ANKS1A: variants seen among roughly 807,000 people sequenced by gnomAD.
The protein encoded by ANKS1A is ankyrin repeat and SAM domain-containing protein 1A.
A neutral mutation model predicts 120.3 loss-of-function variants in ANKS1A; 55 were observed. The ratio of observed to expected loss-of-function variants is 0.46; its 90% CI spans 0.37 to 0.57. ANKS1A has a LOEUF of 0.57. ANKS1A is among the 20% of genes least tolerant of loss of function. The pLI is 0.00. For missense variants in ANKS1A, 1,123 were observed against 1,480.3 expected, an observed-to-expected ratio of 0.76 and a Z score of 3.96; for synonymous variants, 590 against 604.7, an observed-to-expected ratio of 0.98 and a Z score of 0.36.
At chr6:35,042,026 A>G (rs72896273) in intron 11 of ANKS1A, among the ~76,000 whole-genome samples, 6,429 of 152,336 alleles carry the variant, frequency 0.042, 215 homozygotes, top group Non-Finnish European at 0.065. Context: ...TCAGAGGAGC[A>G]GAGAAATGGG....
chr6:35,085,696 G>C lies in ANKS1A; in HGVS notation c.3133-70G>C. ...TTAGAGGGGGACACATGGTCCCTGC[G>C]AGGAAGGGCATATCCAGTGTGAAGC... On this transcript the variant is annotated intron_variant, in intron 21 of 23. Coordinates refer to ENST00000360359, the MANE Select transcript of ANKS1A (RefSeq NM_015245.3). The surrounding 1 kb of genome is among the most constrained non-coding windows in gnomAD (Gnocchi z 4.7). 12 of 1,480,204 alleles carry C rather than the reference G, an allele frequency of 8.1e-6. No individual in the cohort carries two copies. Among genetic ancestry groups the C allele is most frequent in the Non-Finnish European group, 1.1e-5 (12 of 1,107,044 alleles). The allele number at this position is 1,480,204 out of a possible 1,614,324, so 91.7% of individuals were successfully genotyped here. A position where few individuals can be genotyped will look rare whatever the true frequency, so the allele number is the denominator to read the frequency against.
At chr6:34,895,925 G>A (rs1176083309) in intron 1 of ANKS1A, among the ~76,000 whole-genome samples, 1 of 151,448 alleles carries the variant, frequency 6.6e-6, no homozygotes, top group African/African-American at 2.4e-5. Context: ...GAGTAGCTGG[G>A]ATTACAGGCG....
At position 34,982,243 on chromosome 6, in the gene ANKS1A, C is replaced by G. The variant is rs1400624443; in HGVS notation, c.732+257C>G. ...GAAAAGATGTGCTTATGGACTGGCT[C>G]TCAAAACCAGAAAAGTTTCATTATC... is the stretch of plus-strand genomic sequence containing the variant. On this transcript the variant is annotated intron_variant, in intron 4 of 23. Coordinates refer to ENST00000360359, the MANE Select transcript of ANKS1A (RefSeq NM_015245.3). The surrounding 1 kb of genome is among the most constrained non-coding windows in gnomAD (Gnocchi z 4.9). Among the ~76,000 whole-genome samples, 2 of 152,178 alleles carry G rather than the reference C, an allele frequency of 1.3e-5. No homozygotes were observed. The highest frequency in any genetic ancestry group is 2.9e-5 in the Non-Finnish European group (2 of 68,016).
intron 23 of ANKS1A, 115 bp from the exon 24 acceptor site, chr6:35,088,491 C>G (rs924014814): frequency 4.7e-5 from 65 of 1,377,952 alleles, no homozygotes; most frequent in Non-Finnish European, 6.7e-5. Context: ...GAGGGTGCCC[C>G]GGGGAGGCTG....
At chr6:34,958,187 T>C (rs2127498671) in intron 1 of ANKS1A, among the ~76,000 whole-genome samples, 1 of 152,140 alleles carries the variant, frequency 6.6e-6, no homozygotes, top group Non-Finnish European at 1.5e-5. Context: ...CCCGCTCCCT[T>C]CTCTTCTCCC....
intron 11 of ANKS1A, among the ~76,000 whole-genome samples, chr6:35,043,016 T>C (rs1465884705): frequency 1.3e-5 from 2 of 152,240 alleles, no homozygotes; most frequent in African/African-American, 4.8e-5. Flanking sequence ...CCTCAGAATA[T>C]GTCTGCGAGA....
rs1775649506 is a variant in ANKS1A, at chr6:35,044,991, A to G, written c.2011-9108A>G. ...GGTCAAGTTACAGAGGGAAACAGGCACAGTATCTCCTGCTATGGCCCTGGG... is the reference window on the plus strand; with the variant it reads ...GGTCAAGTTACAGAGGGAAACAGGCGCAGTATCTCCTGCTATGGCCCTGGG... On this transcript the variant is annotated intron_variant, in intron 11 of 23. Coordinates refer to ENST00000360359, the MANE Select transcript of ANKS1A (RefSeq NM_015245.3). This position sits in a 1 kb window ranked among gnomAD's most constrained non-coding sequence, Gnocchi z 4.4. 1.3e-5 allele frequency among the ~76,000 whole-genome samples: 2 copies of G among 152,208 alleles called. No homozygotes were observed. Among genetic ancestry groups the G allele is most frequent in the Non-Finnish European group, 2.9e-5 (2 of 68,028 alleles).
At chr6:35,008,691 T>C (rs1236885891) in intron 10 of ANKS1A, among the ~76,000 whole-genome samples, 2 of 151,940 alleles carry the variant, frequency 1.3e-5, no homozygotes, top group Non-Finnish European at 2.9e-5. Context: ...CAGCCATTTA[T>C]ATACATGTAT....
intron 1 of ANKS1A, among the ~76,000 whole-genome samples, chr6:34,910,584 G>T (rs1444748128): frequency 1.3e-5 from 2 of 151,686 alleles, no homozygotes; most frequent in Non-Finnish European, 2.9e-5. Flanking sequence ...GAATGGGCTG[G>T]GTGTGGTGGC....
intron 9 of ANKS1A, among the ~76,000 whole-genome samples, chr6:34,990,329 T>C (rs1358306197): frequency 6.6e-6 from 1 of 152,194 alleles, no homozygotes; most frequent in African/African-American, 2.4e-5. Context: ...TTCTTTCCTT[T>C]AGTTACAAAA....
chr6:35,080,790 T>C (rs189728897), intron 16 of ANKS1A, among the ~76,000 whole-genome samples: 12 of 152,226 alleles, frequency 7.9e-5, no homozygotes, highest in African/African-American at 2.9e-4. Flanking sequence ...CAAAAGTGGC[T>C]TCCCCGCCCT....
intron 11 of ANKS1A, among the ~76,000 whole-genome samples, chr6:35,045,043 C>T (rs1775652427): frequency 1.3e-5 from 2 of 152,190 alleles, no homozygotes; most frequent in Non-Finnish European, 2.9e-5. Context: ...AATCCCCCAG[C>T]AACAGAGGTA....
In ANKS1A at chr6:35,088,726, G is replaced by A; in HGVS notation, c.*117G>A. 1.9e-6 allele frequency: 3 copies of A among 1,606,200 alleles called. No individual in the cohort carries two copies. The highest frequency in any genetic ancestry group is 2.5e-6 in the Non-Finnish European group (3 of 1,177,438). On this transcript the variant is annotated 3_prime_UTR_variant, in exon 24 of 24. Transcript: ENST00000360359. ...GAAGACCCAGGCCTCACCTCCGCCT[G>A]CAGGACCTCCTCTTGGCCACTTGGC...
intron 1 of ANKS1A, among the ~76,000 whole-genome samples, chr6:34,921,383 T>C (rs540194903): frequency 1.3e-5 from 2 of 152,366 alleles, no homozygotes; most frequent in South Asian, 2.1e-4. Context: ...GTAGGGTTTA[T>C]TGTCCCTGTA....
In ANKS1A at chr6:35,022,036, T is replaced by C. The variant is rs113881680; in HGVS notation, c.2010+3977T>C. On this transcript the variant is annotated intron_variant, in intron 11 of 23. Coordinates refer to ENST00000360359, the MANE Select transcript of ANKS1A (RefSeq NM_015245.3). ...TCTTTGCAGGAGGTTCTTTGTTGTT[T>C]GGTGGTAGCAGAGTCACGGGGAACC... Among the ~76,000 whole-genome samples, 1,287 of 151,722 alleles carry C rather than the reference T, an allele frequency of 8.5e-3. 10 individuals carry two copies. The highest frequency in any genetic ancestry group is 0.028 in the Middle Eastern group (8 of 290).
At chr6:34,977,091 A>G (rs1195838827) in intron 3 of ANKS1A, among the ~76,000 whole-genome samples, 1 of 152,198 alleles carries the variant, frequency 6.6e-6, no homozygotes, top group Non-Finnish European at 1.5e-5. Flanking sequence ...GATCATACAT[A>G]TTAATAATAT....
At chr6:34,908,104 C>T (rs1042449077) in intron 1 of ANKS1A, among the ~76,000 whole-genome samples, 4 of 152,228 alleles carry the variant, frequency 2.6e-5, no homozygotes, top group Admixed American at 2.6e-4. Flanking sequence ...GGAAGTCCAG[C>T]CTCCTTTTAG....
At chr6:34,955,773 C>G (rs1258678759) in intron 1 of ANKS1A, among the ~76,000 whole-genome samples, 1 of 152,136 alleles carries the variant, frequency 6.6e-6, no homozygotes, top group Non-Finnish European at 1.5e-5. Context: ...TATCCATTCT[C>G]TTTTTATACT....
Position 34,967,221 on chromosome 6 carries a change from T to C in ANKS1A, c.198-18T>C, listed in dbSNP as rs1278741024. 5.0e-6 allele frequency: 8 copies of C among 1,601,812 alleles called. No individual in the cohort carries two copies. The highest frequency in any genetic ancestry group is 2.2e-5 in the East Asian group (1 of 44,632). On this transcript the variant is annotated intron_variant, in intron 1 of 23. Coordinates refer to ENST00000360359, the MANE Select transcript of ANKS1A (RefSeq NM_015245.3). ...GTCTGTGAAATCTATGTCTCTCTCT[T>C]TTTTTTTTCCCTGATAGCATGTGGA...
Sources: gnomAD v4.1 joint callset for allele counts (sites outside exome capture counted in the v4.1 genomes callset) on GRCh38, gnomAD v4.1.1 for gene constraint, Gnocchi (gnomAD v3.1) non-coding constraint, MANE v1.5 for transcripts, NCBI Gene and HGNC (gene_info 2026-07-23, HGNC 2026-07-21) for gene names.